PPP4R3A: variants seen among roughly 807,000 people sequenced by gnomAD.
PPP4R3A encodes the protein serine/threonine-protein phosphatase 4 regulatory subunit 3A.
Under a neutral mutation model 91.7 loss-of-function variants are expected in PPP4R3A, and 15 were observed. The ratio of observed to expected loss-of-function variants is 0.16; its 90% CI spans 0.11 to 0.25. The LOEUF (loss-of-function observed/expected upper bound fraction) is 0.25. Ranked by LOEUF, PPP4R3A falls within the 10% of genes least tolerant of loss-of-function variation. The pLI is 1.00. For synonymous variants in PPP4R3A, 377 were observed against 348.7 expected, an observed-to-expected ratio of 1.08 and a Z score of -0.91; for missense variants, 623 against 998.4, an observed-to-expected ratio of 0.62 and a Z score of 5.07.
intron 14 of PPP4R3A, among the ~76,000 whole-genome samples, chr14:91,459,285 T>C (rs1887976283): frequency 6.6e-6 from 1 of 152,062 alleles, no homozygotes; most frequent in South Asian, 2.1e-4. Flanking sequence ...TTTGTATTTT[T>C]ACTAGAGACA....
chr14:91,459,942 C>T (rs1888021307), intron 14 of PPP4R3A, among the ~76,000 whole-genome samples: 2 of 152,068 alleles, frequency 1.3e-5, no homozygotes, highest in South Asian at 2.1e-4. Flanking sequence ...GCAGTTCTAC[C>T]CTGACTCTTC....
Position 91,481,761 on chromosome 14 carries a change from C to A in PPP4R3A, c.730G>T (p.Ala244Ser), listed in dbSNP as rs1293395184. The A allele has an allele frequency of 6.2e-7, 1 of 1,613,552 alleles. No individual in the cohort carries two copies. Among genetic ancestry groups the A allele is most frequent in the Non-Finnish European group, 8.5e-7 (1 of 1,179,890 alleles). The change falls in exon 4 of 15, where the codon GCC becomes TCC. Residue 244 changes from alanine (A) to serine (S), a missense_variant. Around this residue, in one of 5 missense-constraint regions of PPP4R3A, gnomAD observed 264 missense variants for 377.3 expected, o/e 0.70. Coordinates refer to ENST00000554943, the MANE Select transcript of PPP4R3A (RefSeq NM_001366432.2). Reference sequence around the variant, plus strand: ...ATGGGAATCACTTCTTTAAACTTGGCTGTTTTTGTTAGAAATTCCCTGTGT... The same window carrying A: ...ATGGGAATCACTTCTTTAAACTTGGATGTTTTTGTTAGAAATTCCCTGTGT... ...RKHREFLTKT[A>S]KFKEVIPISD...
rs934285080 is a variant in PPP4R3A at position 91,458,129 on chromosome 14, T to C, written c.*630A>G. The C allele has an allele frequency of 6.6e-6, 1 of 152,024 alleles. No individual in the cohort carries two copies. The highest frequency in any genetic ancestry group is 1.5e-5 in the Non-Finnish European group (1 of 68,194). 9.4% of individuals were successfully genotyped at this position (152,024 alleles called of 1,614,324 possible). A position where few individuals can be genotyped will look rare whatever the true frequency, so the allele number is the denominator to read the frequency against. On this transcript the variant is annotated 3_prime_UTR_variant, in exon 15 of 15. Transcript: ENST00000554943. ...TAAAACAAAAAAATTATGACACAAATGACCACATCTAGAATTCCACTCAAT... is the reference window on the plus strand; with the variant it reads ...TAAAACAAAAAAATTATGACACAAACGACCACATCTAGAATTCCACTCAAT...
At chr14:91,476,588 G>A (rs936886368) in intron 5 of PPP4R3A, 64 bp from the exon 6 acceptor site, 39 of 1,213,816 alleles carry the variant, frequency 3.2e-5, no homozygotes, top group Middle Eastern at 2.8e-4. Context: ...TTATTGAGAC[G>A]GAGTCTTGCT....
intron 1 of PPP4R3A, among the ~76,000 whole-genome samples, chr14:91,502,788 A>C (rs992103736): frequency 3.9e-5 from 6 of 152,250 alleles, no homozygotes; most frequent in Non-Finnish European, 5.9e-5. Flanking sequence ...GTTTAACTCT[A>C]AGATATGAGT....
At chr14:91,465,131 T>C (rs1595050903) in intron 11 of PPP4R3A, 119 bp downstream of exon 11, 2 of 54,164 alleles carry the variant, frequency 3.7e-5, no homozygotes, top group Middle Eastern at 5.7e-3. Context: ...CTTTTAGTAC[T>C]TTTTTTTTTT....
chr14:91,478,288 C>G (rs1329850146), intron 4 of PPP4R3A, among the ~76,000 whole-genome samples: 1 of 152,188 alleles, frequency 6.6e-6, no homozygotes, highest in East Asian at 1.9e-4. Flanking sequence ...AAAAGACATT[C>G]TCTGAACTGC....
In PPP4R3A at chr14:91,458,348, T is replaced by C. The variant is rs1418922338; in HGVS notation, c.*411A>G. 4.2e-6 allele frequency: 1 copy of C among 240,474 alleles called. No individual in the cohort carries two copies. Among genetic ancestry groups the C allele is most frequent in the Non-Finnish European group, 8.3e-6 (1 of 120,522 alleles). 14.9% of individuals were successfully genotyped at this position (240,474 alleles called of 1,614,324 possible). On this transcript the variant is annotated 3_prime_UTR_variant, in exon 15 of 15. Coordinates refer to ENST00000554943, the MANE Select transcript of PPP4R3A (RefSeq NM_001366432.2). ...GGCAGGTCTCTTTATACAAAGAAAC[T>C]GCTGGCATTCTTGACTAGTGAAGAA...
Position 91,462,092 on chromosome 14 carries a change from A to G in PPP4R3A, c.2121T>C (p.Asp707=). 6.4e-7 allele frequency: 1 copy of G among 1,553,222 alleles called. No homozygotes were observed. ...ATTTACTTATTGGATCCATAATATC[A>G]TCATCATTTTTAGTTTTGTCAGATG... ...VSPSDKTKND[D]DIMDPISKFM... is the part of the protein sequence containing the mutation. Residue 707 remains aspartate (D), a synonymous_variant, in exon 13 of 15, where the codon GAT becomes GAC. Transcript: ENST00000554943.
In PPP4R3A at chr14:91,458,580, T is replaced by C. The variant is rs1333883193; in HGVS notation, c.*179A>G. The C allele has an allele frequency of 2.3e-6, 2 of 861,612 alleles. No individual in the cohort carries two copies. Among genetic ancestry groups the C allele is most frequent in the Non-Finnish European group, 3.9e-6 (2 of 513,710 alleles). 53.4% of individuals were successfully genotyped at this position (861,612 alleles called of 1,614,324 possible). On this transcript the variant is annotated 3_prime_UTR_variant, in exon 15 of 15. Transcript: ENST00000554943. The stretch of plus-strand genomic sequence containing the variant: ...GGCTTAAGTCTTTCCCCTAAATATA[T>C]GATATCCCCTCCTCCTGCTCCATTG...
At chr14:91,460,638 T>C (rs1274272699) in intron 14 of PPP4R3A, among the ~76,000 whole-genome samples, 3 of 37,934 alleles carry the variant, frequency 7.9e-5, no homozygotes, top group Admixed American at 2.3e-4. Context: ...ATTTTGTTCC[T>C]TTTTTTTTTT....
intron 3 of PPP4R3A, among the ~76,000 whole-genome samples, chr14:91,484,775 G>T (rs1889784786): frequency 6.6e-6 from 1 of 152,086 alleles, no homozygotes; most frequent in African/African-American, 2.4e-5. Context: ...TAAGGAATCT[G>T]GTGAAGATTA....
intron 4 of PPP4R3A, among the ~76,000 whole-genome samples, chr14:91,480,499 C>G (rs1443473586): frequency 6.6e-6 from 1 of 152,190 alleles, no homozygotes; most frequent in East Asian, 1.9e-4. Flanking sequence ...TCCCTAGACC[C>G]TGAAACTGGA....
intron 4 of PPP4R3A, among the ~76,000 whole-genome samples, chr14:91,479,293 CG>C (rs1889397378): frequency 6.9e-6 from 1 of 144,088 alleles, no homozygotes; most frequent in Non-Finnish European, 1.5e-5. Context: ...TAAAAAACAA[CG>C]TGTGTGTGTG....
chr14:91,466,936 C>A (rs968068739), intron 10 of PPP4R3A, among the ~76,000 whole-genome samples: 6 of 126,040 alleles, frequency 4.8e-5, no homozygotes, highest in Middle Eastern at 3.7e-3. Context: ...TTGTGTCCTA[C>A]CATAACACAC....
chr14:91,461,960 C>A, intron 13 of PPP4R3A, 89 bp downstream of exon 13: 1 of 1,412,914 alleles, frequency 7.1e-7, no homozygotes. Context: ...ATCACACCTT[C>A]CAAGCAAATA....
At chr14:91,469,171 ATAAC>A (rs923425036) in intron 10 of PPP4R3A, among the ~76,000 whole-genome samples, 1 of 151,924 alleles carries the variant, frequency 6.6e-6, no homozygotes, top group Non-Finnish European at 1.5e-5. Flanking sequence ...CAGGATATAA[ATAAC>A]TCCCACAAGC....
rs1381733049 is a variant in PPP4R3A at position 91,462,737 on chromosome 14, G to A, written c.1971C>T (p.Asp657=). ...QRERQDNPKL[D]SMRSILRNHR... The stretch of plus-strand genomic sequence containing the variant: ...GGTTTAAATATATGGTAATTTACCT[G>A]TCAAGTTTGGGATTATCTTGCCTTT... The change falls in exon 12 of 15, where the codon GAC becomes GAT. Residue 657 remains aspartate (D), a splice_region_variant and synonymous_variant. Coordinates refer to ENST00000554943, the MANE Select transcript of PPP4R3A (RefSeq NM_001366432.2). The A allele has an allele frequency of 6.2e-7, 1 of 1,613,586 alleles. No homozygotes were observed. Among genetic ancestry groups the A allele is most frequent in the Admixed American group, 1.7e-5 (1 of 59,978 alleles).
Position 91,458,759 on chromosome 14 carries a change from T to G in PPP4R3A, c.2502A>C (p.Ter834TyrextTer1), listed in dbSNP as rs199784699. 1.1e-5 allele frequency: 17 copies of G among 1,614,004 alleles called. No homozygotes were observed. Among genetic ancestry groups the G allele is most frequent in the Non-Finnish European group, 1.4e-5 (17 of 1,180,004 alleles). The change falls in exon 15 of 15, where the codon TAA (stop) becomes TAC (tyrosine). Residue 834 changes from the stop codon to tyrosine, a stop_lost. Transcript: ENST00000554943. ...PLSKKAKFDS[*>Y] ...TACTGATCCTAGGCCGTTGCCATTA[T>G]TATGAATCAAATTTTGCTTTCTTTG...
Sources: allele counts gnomAD v4.1 joint callset (sites outside exome capture counted in the v4.1 genomes callset), GRCh38; gene constraint gnomAD v4.1.1; regional missense constraint gnomAD v4.1.1; transcripts MANE v1.5; gene names NCBI Gene and HGNC (gene_info 2026-07-23, HGNC 2026-07-21).